PATZ1: variants seen among roughly 807,000 people sequenced by gnomAD.
PATZ1 encodes POZ-, AT hook-, and zinc finger-containing protein 1.
PATZ1 carries 9 observed loss-of-function variants against 46.2 expected under a neutral mutation model. That is an observed-to-expected ratio of 0.19 (90% CI 0.12 to 0.34). The LOEUF (loss-of-function observed/expected upper bound fraction) is 0.34, where lower values mean the gene tolerates loss of function less well. Among genes scored for constraint, PATZ1 ranks in the 10% least tolerant of loss-of-function variants. The pLI, the probability that PATZ1 is intolerant of heterozygous loss-of-function variation, is 1.00. For missense variants in PATZ1, 632 were observed against 923.0 expected (o/e 0.68, Z 4.08); for synonymous variants, 426 against 378.6 (o/e 1.13, Z -1.45).
At position 31,335,676 on chromosome 22, in the gene PATZ1, A is replaced by G; in HGVS notation, c.1507+16T>C. 6.2e-7 allele frequency: 1 copy of G among 1,611,748 alleles called. No individual in the cohort carries two copies. Among genetic ancestry groups the G allele is most frequent in the East Asian group, 2.2e-5 (1 of 44,798 alleles). ...AGGCCCATCCTCTGGAAGTGAGGAAACAGTGGGCAGATTACCTCGGTTACA... is the reference window on the plus strand; with the variant it reads ...AGGCCCATCCTCTGGAAGTGAGGAAGCAGTGGGCAGATTACCTCGGTTACA... On this transcript the variant is annotated intron_variant, in intron 3 of 4. Transcript: ENST00000266269.
chr22:31,329,901 G>T (rs1157383308), intron 3 of PATZ1, among the ~76,000 whole-genome samples: 4 of 152,378 alleles, frequency 2.6e-5, no homozygotes, highest in Middle Eastern at 3.4e-3. Flanking sequence ...GGATCAGAAG[G>T]TGCTTTTAGC....
At chr22:31,332,030 G>T (rs1261408262) in intron 3 of PATZ1, among the ~76,000 whole-genome samples, 1 of 152,158 alleles carries the variant, frequency 6.6e-6, no homozygotes, top group African/African-American at 2.4e-5. Context: ...AGAATCGCTT[G>T]AACCAAGGAG....
intron 2 of PATZ1, among the ~76,000 whole-genome samples, chr22:31,339,741 C>T (rs1198747990): frequency 1.3e-5 from 2 of 152,230 alleles, no homozygotes; most frequent in Non-Finnish European, 2.9e-5. Flanking sequence ...ACCCTGAGTG[C>T]AGGTCATCAC....
chr22:31,343,194 T>C (rs2049605150), intron 1 of PATZ1: 1 of 1,277,254 alleles, frequency 7.8e-7, no homozygotes, highest in Admixed American at 3.7e-5. Flanking sequence ...TTGTCTCTGA[T>C]TTTGCCTCCC....
At chr22:31,330,212 G>A (rs1189896984) in intron 3 of PATZ1, among the ~76,000 whole-genome samples, 1 of 152,136 alleles carries the variant, frequency 6.6e-6, no homozygotes, top group Non-Finnish European at 1.5e-5. Flanking sequence ...GCACACCAGG[G>A]CCCAGCACAC....
At chr22:31,342,237 A>G (rs1358601242) in intron 2 of PATZ1, among the ~76,000 whole-genome samples, 1 of 152,090 alleles carries the variant, frequency 6.6e-6, no homozygotes, top group African/African-American at 2.4e-5. Context: ...CAGGTAAACC[A>G]AGGGTGAGAA....
rs140840290 is a variant in PATZ1, at chr22:31,327,565, C to T, written c.1646-256G>A. Among the ~76,000 whole-genome samples, 2 of 152,256 alleles carry T rather than the reference C, an allele frequency of 1.3e-5. No homozygotes were observed. Among genetic ancestry groups the T allele is most frequent in the East Asian group, 3.9e-4 (2 of 5,178 alleles). On this transcript the variant is annotated intron_variant, in intron 4 of 4. Coordinates refer to ENST00000266269, the MANE Select transcript of PATZ1 (RefSeq NM_014323.3). The surrounding 1 kb of genome is among the most constrained non-coding windows in gnomAD (Gnocchi z 4.2). ...ATGCAGCTGCACATGTACTGCTCAC[C>T]GTCATCTCAGCCTGCTTCAAGGAAG... is the stretch of plus-strand genomic sequence containing the variant.
Position 31,335,682 on chromosome 22 carries a change from G to C in PATZ1, c.1507+10C>G. ...ATCCTCTGGAAGTGAGGAAACAGTG[G>C]GCAGATTACCTCGGTTACAGATACT... On this transcript the variant is annotated intron_variant, in intron 3 of 4. Coordinates refer to ENST00000266269, the MANE Select transcript of PATZ1 (RefSeq NM_014323.3). 2 of 1,612,242 alleles carry C rather than the reference G, an allele frequency of 1.2e-6. No homozygotes were observed. The highest frequency in any genetic ancestry group is 2.2e-5 in the South Asian group (2 of 91,018).
Position 31,345,338 on chromosome 22 carries a change from C to T in PATZ1, c.265G>A (p.Gly89Ser), listed in dbSNP as rs2049639070. The T allele has an allele frequency of 1.9e-6, 3 of 1,608,680 alleles. No homozygotes were observed. The East Asian group carries it at 6.7e-5, about 36-fold the overall frequency. Reference protein sequence around the residue: ...AADGGPADVGGATAAPGGGAG... With the variant: ...AADGGPADVGSATAAPGGGAG... ...CCGCCGCCTGGTGCTGCCGTCGCGC[C>T]CCCTACATCAGCCGGACCCCCGTCC... The change falls in exon 1 of 5, where the codon GGC (glycine) becomes AGC (serine). Residue 89 changes from glycine (G) to serine (S), a missense_variant. Coordinates refer to ENST00000266269, the MANE Select transcript of PATZ1 (RefSeq NM_014323.3). The surrounding 1 kb of genome is among the most constrained non-coding windows in gnomAD (Gnocchi z 7.4).
At chr22:31,337,109 C>CA (rs889856619) in intron 2 of PATZ1, among the ~76,000 whole-genome samples, 193 of 140,852 alleles carry the variant, frequency 1.4e-3, no homozygotes, top group African/African-American at 4.1e-3. Flanking sequence ...GACTCCGTCT[C>CA]AAAAAAAAAA....
Position 31,328,970 on chromosome 22 carries a change from A to C in PATZ1, c.1508-46T>G. ...TGAGATCCCGCGGCCAGCAAGAGAT[A>C]CCTCTCTCCTTCCCCCAACTCCTCT... On this transcript the variant is annotated intron_variant, in intron 3 of 4. Coordinates refer to ENST00000266269, the MANE Select transcript of PATZ1 (RefSeq NM_014323.3). This position sits in a 1 kb window ranked among gnomAD's most constrained non-coding sequence, Gnocchi z 4.8. 2.7e-6 allele frequency: 4 copies of C among 1,489,522 alleles called. No homozygotes were observed. The South Asian group carries it at 3.6e-5, about 13-fold the overall frequency. 92.3% of individuals were successfully genotyped at this position (1,489,522 alleles called of 1,614,324 possible).
chr22:31,327,050 G>A lies in PATZ1; in HGVS notation c.1905C>T (p.Pro635=), dbSNP rs1036043725. Residue 635 remains proline, a synonymous_variant, in exon 5 of 5, where the codon CCC becomes CCT. Coordinates refer to ENST00000266269, the MANE Select transcript of PATZ1 (RefSeq NM_014323.3). This position sits in a 1 kb window ranked among gnomAD's most constrained non-coding sequence, Gnocchi z 4.2. ...QKVHVRALGG[P]LGDLGPALGS... Reference sequence around the variant, plus strand: ...CAAGGGCAGGGCCCAGGTCCCCCAGGGGGCCCCCGAGAGCCCGGACATGCA... The same window carrying A: ...CAAGGGCAGGGCCCAGGTCCCCCAGAGGGCCCCCGAGAGCCCGGACATGCA... 4 of 1,614,224 alleles carry A rather than the reference G, an allele frequency of 2.5e-6. No homozygotes were observed. In the Admixed American group the frequency reaches 6.7e-5, roughly 27 times the overall value.
At chr22:31,332,703 C>T (rs1474535125) in intron 3 of PATZ1, among the ~76,000 whole-genome samples, 1 of 152,230 alleles carries the variant, frequency 6.6e-6, no homozygotes, top group Non-Finnish European at 1.5e-5. Context: ...GATGTGAGTC[C>T]AGGGGAACAG....
At chr22:31,331,470 G>C (rs1369722318) in intron 3 of PATZ1, among the ~76,000 whole-genome samples, 2 of 151,760 alleles carry the variant, frequency 1.3e-5, no homozygotes, top group Non-Finnish European at 2.9e-5. Context: ...CTCCCTGGTA[G>C]CTGGGACTAC....
Position 31,344,658 on chromosome 22 carries a change from A to T in PATZ1, c.945T>A (p.Gly315=). The change falls in exon 1 of 5, where the codon GGT becomes GGA. Residue 315 remains glycine, a synonymous_variant. Transcript: ENST00000266269. ...NRLRQHEAQH[G]VTSLQLGYID... is the part of the protein sequence containing the mutation. The stretch of plus-strand genomic sequence containing the variant: ...TGTAGCCCAGCTGGAGGCTGGTGAC[A>T]CCGTGCTGGGCCTCGTGCTGCCGGA... 1 of 1,613,974 alleles carries T rather than the reference A, an allele frequency of 6.2e-7. No homozygotes were observed. The highest frequency in any genetic ancestry group is 8.5e-7 in the Non-Finnish European group (1 of 1,180,030).
Position 31,345,688 on chromosome 22 carries a change from A to C in PATZ1, c.-86T>G. Reference sequence around the variant, plus strand: ...AGCAGCGAGAAGCGGGGCGCAGCAGACGTGTCCACACTCCCCACACGTGCC... The same window carrying C: ...AGCAGCGAGAAGCGGGGCGCAGCAGCCGTGTCCACACTCCCCACACGTGCC... On this transcript the variant is annotated 5_prime_UTR_variant, in exon 1 of 5. Transcript: ENST00000266269. The surrounding 1 kb of genome is among the most constrained non-coding windows in gnomAD (Gnocchi z 7.4). The C allele has an allele frequency of 1.5e-6, 2 of 1,299,302 alleles. No individual in the cohort carries two copies. The highest frequency in any genetic ancestry group is 2.1e-6 in the Non-Finnish European group (2 of 963,266). The allele number at this position is 1,299,302 out of a possible 1,614,324, so 80.5% of individuals were successfully genotyped here.
chr22:31,326,856 C>T lies in PATZ1; in HGVS notation c.*35G>A, dbSNP rs760382199. On this transcript the variant is annotated 3_prime_UTR_variant, in exon 5 of 5. Transcript: ENST00000266269. ...ATTCACAGCATTTCCCAGCAGTCCC[C>T]AGATGGTTGTTTCCGTGGGGACACA... 1 of 1,570,572 alleles carries T rather than the reference C, an allele frequency of 6.4e-7. No individual in the cohort carries two copies. Among genetic ancestry groups the T allele is most frequent in the African/African-American group, 1.4e-5 (1 of 73,572 alleles).
Position 31,327,055 on chromosome 22 carries a change from C to G in PATZ1, c.1900G>C (p.Gly634Arg). The G allele has an allele frequency of 6.2e-7, 1 of 1,614,208 alleles. No individual in the cohort carries two copies. Among genetic ancestry groups the G allele is most frequent in the Non-Finnish European group, 8.5e-7 (1 of 1,180,038 alleles). Reference protein sequence around the residue: ...IQKVHVRALGGPLGDLGPALG... With the variant: ...IQKVHVRALGRPLGDLGPALG... ...GCAGGGCCCAGGTCCCCCAGGGGGC[C>G]CCCGAGAGCCCGGACATGCACCTTC... The change falls in exon 5 of 5, where the codon GGC becomes CGC. Residue 634 changes from glycine (G) to arginine (R), a missense_variant. Gly to Arg is a moderately radical substitution (Grantham distance 125). Coordinates refer to ENST00000266269, the MANE Select transcript of PATZ1 (RefSeq NM_014323.3). This position sits in a 1 kb window ranked among gnomAD's most constrained non-coding sequence, Gnocchi z 4.2.
In PATZ1 at chr22:31,346,109, CG is replaced by C. The variant is rs1181240576; in HGVS notation, c.-508del. 6.6e-6 allele frequency: 1 copy of C among 151,512 alleles called. No homozygotes were observed. Among genetic ancestry groups the C allele is most frequent in the Non-Finnish European group, 1.5e-5 (1 of 68,116 alleles). 9.4% of individuals were successfully genotyped at this position (151,512 alleles called of 1,614,324 possible). The stretch of plus-strand genomic sequence containing the variant: ...TGCAAAGCGCGAGCCGGGGCGGGGG[CG>C]CCGGAGCGGAGGAAACAAAAGGCGA... On this transcript the variant is annotated 5_prime_UTR_variant, in exon 1 of 5. Coordinates refer to ENST00000266269, the MANE Select transcript of PATZ1 (RefSeq NM_014323.3).
Sources: allele counts gnomAD v4.1 joint callset (sites outside exome capture counted in the v4.1 genomes callset), GRCh38; gene constraint gnomAD v4.1.1; non-coding constraint Gnocchi (gnomAD v3.1); transcripts MANE v1.5; gene names NCBI Gene and HGNC (gene_info 2026-07-23, HGNC 2026-07-21).